Variants in CAMTA1 observed in about 807,000 individuals in gnomAD.
The protein encoded by CAMTA1 is calmodulin binding transcription activator 1, also known as calmodulin-binding transcription activator 1.
A neutral mutation model predicts 170.9 loss-of-function variants in CAMTA1; 27 were observed. That is an observed-to-expected ratio of 0.16 (90% CI 0.12 to 0.22). The LOEUF is 0.22. Among genes scored for constraint, CAMTA1 ranks in the 10% least tolerant of loss-of-function variants. CAMTA1 has a pLI of 1.00. For missense variants in CAMTA1, 1,619 were observed against 2,217.2 expected, an observed-to-expected ratio of 0.73 and a Z score of 5.42; for synonymous variants, 833 against 891.5, an observed-to-expected ratio of 0.93 and a Z score of 1.17.
chr1:6,889,394 T>C (rs979973350), intron 3 of CAMTA1, among the ~76,000 whole-genome samples: 1 of 152,246 alleles, frequency 6.6e-6, no homozygotes, highest in Admixed American at 6.5e-5. Context: ...AGGATACAGA[T>C]GTAAAGAAAA....
At chr1:7,192,218 G>A (rs541696561) in intron 4 of CAMTA1, among the ~76,000 whole-genome samples, 3 of 152,336 alleles carry the variant, frequency 2.0e-5, no homozygotes, top group South Asian at 4.1e-4. Context: ...TGTCGCTTGC[G>A]TGGTAGCAGC....
intron 6 of CAMTA1, among the ~76,000 whole-genome samples, chr1:7,546,638 T>C (rs994412584): frequency 6.6e-6 from 1 of 152,224 alleles, no homozygotes; most frequent in Non-Finnish European, 1.5e-5. Flanking sequence ...ACAGCGTTTC[T>C]TCTTGTCTGC....
chr1:7,321,484 A>T (rs1021930222), intron 5 of CAMTA1, among the ~76,000 whole-genome samples: 10 of 151,986 alleles, frequency 6.6e-5, no homozygotes, highest in Non-Finnish European at 1.3e-4. Context: ...AATCCTTATG[A>T]CCCTGGAGAA....
intron 4 of CAMTA1, among the ~76,000 whole-genome samples, chr1:7,153,648 C>T (rs552379869): frequency 6.6e-6 from 1 of 152,226 alleles, no homozygotes; most frequent in African/African-American, 2.4e-5. Context: ...CGGCAACCTC[C>T]CACCTGCTCT....
At chr1:6,898,548 A>G (rs1017281374) in intron 3 of CAMTA1, among the ~76,000 whole-genome samples, 2 of 152,182 alleles carry the variant, frequency 1.3e-5, no homozygotes, top group Non-Finnish European at 2.9e-5. Flanking sequence ...GCAAGAGCCC[A>G]TCTCCAAAAA....
intron 6 of CAMTA1, among the ~76,000 whole-genome samples, chr1:7,560,106 G>A (rs1282357629): frequency 6.6e-6 from 1 of 152,184 alleles, no homozygotes; most frequent in African/African-American, 2.4e-5. Flanking sequence ...GCTCAGGAGG[G>A]GGATTCTTCT....
At chr1:7,078,908 G>T (rs1639655038) in intron 3 of CAMTA1, among the ~76,000 whole-genome samples, 1 of 152,192 alleles carries the variant, frequency 6.6e-6, no homozygotes, top group Non-Finnish European at 1.5e-5. Flanking sequence ...TCTAGAATTT[G>T]CAGGGCAGAA....
At chr1:7,001,157 C>T (rs1698157788) in intron 3 of CAMTA1, among the ~76,000 whole-genome samples, 1 of 152,104 alleles carries the variant, frequency 6.6e-6, no homozygotes, top group South Asian at 2.1e-4. Context: ...CACTTCTCAC[C>T]ACTTCAAAAC....
In CAMTA1 at chr1:7,736,441, A is replaced by T. The variant is rs1159821155; in HGVS notation, c.3164A>T (p.Lys1055Met). The change falls in exon 13 of 23, where the codon AAG (lysine) becomes ATG (methionine). Residue 1055 changes from lysine (K) to methionine (M), a missense_variant. Coordinates refer to ENST00000303635, the MANE Select transcript of CAMTA1 (RefSeq NM_015215.4). This position sits in a 1 kb window ranked among gnomAD's most constrained non-coding sequence, Gnocchi z 4.5. ...MMSRACWAKS[K>M]HLIHSKTFRG... Reference sequence around the variant, plus strand: ...AGCCGAGCCTGCTGGGCGAAGTCCAAGCACTTGATCCACTCAAAGACTTTC... The same window carrying T: ...AGCCGAGCCTGCTGGGCGAAGTCCATGCACTTGATCCACTCAAAGACTTTC... 6.2e-7 allele frequency: 1 copy of T among 1,614,122 alleles called. No homozygotes were observed. Among genetic ancestry groups the T allele is most frequent in the Non-Finnish European group, 8.5e-7 (1 of 1,180,016 alleles).
intron 3 of CAMTA1, among the ~76,000 whole-genome samples, chr1:7,030,101 C>T (rs570150343): frequency 9.9e-5 from 15 of 152,284 alleles, no homozygotes; most frequent in African/African-American, 3.1e-4. Flanking sequence ...GAATATTTCT[C>T]TTTGTTACTA....
chr1:7,502,331 G>A (rs1430858233), intron 6 of CAMTA1, among the ~76,000 whole-genome samples: 1 of 152,220 alleles, frequency 6.6e-6, no homozygotes. Flanking sequence ...TGCAGTCAGG[G>A]CTGTGTGTGG....
At chr1:7,134,961 C>T (rs1645460326) in intron 4 of CAMTA1, among the ~76,000 whole-genome samples, 1 of 152,098 alleles carries the variant, frequency 6.6e-6, no homozygotes, top group Non-Finnish European at 1.5e-5. Flanking sequence ...CATGATGAGA[C>T]ACTTCTCAAA....
intron 6 of CAMTA1, among the ~76,000 whole-genome samples, chr1:7,636,295 G>T (rs1558035509): frequency 1.3e-5 from 2 of 152,180 alleles, no homozygotes; most frequent in Admixed American, 1.3e-4. Flanking sequence ...GATATGCCTT[G>T]GGGTATGTTG....
At chr1:7,001,879 TTTCTTCTTC>T (rs56185909) in intron 3 of CAMTA1, among the ~76,000 whole-genome samples, 11 of 133,476 alleles carry the variant, frequency 8.2e-5, no homozygotes, top group Non-Finnish European at 1.6e-4. Flanking sequence ...TTTTTCTTTC[TTTCTTCTTC>T]TTCTTCTTCT....
chr1:6,831,431 T>G (rs940483507), intron 3 of CAMTA1, among the ~76,000 whole-genome samples: 3 of 152,248 alleles, frequency 2.0e-5, no homozygotes, highest in Non-Finnish European at 4.4e-5. Context: ...CACAAATGAC[T>G]ATTTCATAAT....
intron 5 of CAMTA1, among the ~76,000 whole-genome samples, chr1:7,343,021 T>A (rs1367588292): frequency 2.0e-5 from 3 of 152,184 alleles, no homozygotes; most frequent in Non-Finnish European, 4.4e-5. Context: ...CCTCTCTCCT[T>A]TTCTCTGACC....
intron 6 of CAMTA1, among the ~76,000 whole-genome samples, chr1:7,573,030 A>G (rs2095143437): frequency 6.6e-6 from 1 of 152,112 alleles, no homozygotes; most frequent in African/African-American, 2.4e-5. Flanking sequence ...ACCAGGAAGC[A>G]ATGTCTTATT....
At position 7,685,234 on chromosome 1, in the gene CAMTA1, C is replaced by T. The variant is rs966825748; in HGVS notation, c.2914+7501C>T. Among the ~76,000 whole-genome samples the T allele has an allele frequency of 1.3e-5, 2 of 152,180 alleles. No individual in the cohort carries two copies. Among genetic ancestry groups the T allele is most frequent in the African/African-American group, 2.4e-5 (1 of 41,430 alleles). On this transcript the variant is annotated intron_variant, in intron 11 of 22. Coordinates refer to ENST00000303635, the MANE Select transcript of CAMTA1 (RefSeq NM_015215.4). This position sits in a 1 kb window ranked among gnomAD's most constrained non-coding sequence, Gnocchi z 5.7. ...CCGTTCAGTGTTTATTGAGCATTTA[C>T]TATATACACAGCAATACGTATTTAG...
chr1:7,260,939 A>G (rs1190909069), intron 5 of CAMTA1, among the ~76,000 whole-genome samples: 1 of 152,204 alleles, frequency 6.6e-6, no homozygotes, highest in Admixed American at 6.5e-5. Context: ...GTATTTTATT[A>G]AAGATTCTAG....
Sources: gnomAD v4.1 joint callset for allele counts (sites outside exome capture counted in the v4.1 genomes callset) on GRCh38, gnomAD v4.1.1 for gene constraint, Gnocchi (gnomAD v3.1) non-coding constraint, MANE v1.5 for transcripts, NCBI Gene and HGNC (gene_info 2026-07-23, HGNC 2026-07-21) for gene names.